Variants in TASOR observed in about 807,000 individuals in gnomAD.
TASOR encodes protein TASOR.
TASOR carries 53 observed loss-of-function variants against 178.6 expected under a neutral mutation model. The observed-to-expected ratio is 0.30, with a 90% CI of 0.24 to 0.37. The LOEUF is 0.37. TASOR is among the 10% of genes least tolerant of loss of function. The probability of loss-of-function intolerance (pLI) is 1.00; values close to 1 mark genes in which losing one functional copy is unlikely to be tolerated. For missense variants in TASOR, 1,815 were observed against 1,971.4 expected (o/e 0.92, Z 1.50); for synonymous variants, 713 against 696.2 (o/e 1.02, Z -0.38).
chr3:56,624,660 A>G lies in TASOR; in HGVS notation c.4319-17T>C. 1 of 1,602,858 alleles carries G rather than the reference A, an allele frequency of 6.2e-7. No homozygotes were observed. The highest frequency in any genetic ancestry group is 8.5e-7 in the Non-Finnish European group (1 of 1,175,178). On this transcript the variant is annotated splice_polypyrimidine_tract_variant and intron_variant, in intron 22 of 23. Coordinates refer to ENST00000683822, the MANE Select transcript of TASOR (RefSeq NM_001365635.2). ...TGTTCTTCTCTAAATTAAGAAAAAA[A>G]GTTTCATGTATGAAACACTTCAAAA...
At chr3:56,649,380 CA>C (rs1341982783) in intron 11 of TASOR, among the ~76,000 whole-genome samples, 1 of 152,162 alleles carries the variant, frequency 6.6e-6, no homozygotes, top group Non-Finnish European at 1.5e-5. Flanking sequence ...TTCATCAGTT[CA>C]AAAGACATGT....
chr3:56,655,044 T>C (rs541474367), intron 11 of TASOR, among the ~76,000 whole-genome samples: 2 of 152,344 alleles, frequency 1.3e-5, no homozygotes, highest in South Asian at 4.1e-4. Context: ...CCAAAAATAC[T>C]GTGTGACCAG....
At chr3:56,648,457 G>A (rs142622686) in intron 13 of TASOR, among the ~76,000 whole-genome samples, 3,408 of 151,366 alleles carry the variant, frequency 0.023, 98 homozygotes, top group Non-Finnish European at 0.031. Context: ...GTGAAACCCC[G>A]TCTCTACTAA....
In TASOR at chr3:56,646,479, C is replaced by T. The variant is rs752094760; in HGVS notation, c.2215+43G>A. ...CCCTCTGCTACAAGAAAGAACAGAA[C>T]TACTTTATTTTTGGCTGTTATAAGA... On this transcript the variant is annotated intron_variant, in intron 14 of 23. Transcript: ENST00000683822. The T allele has an allele frequency of 2.0e-6, 3 of 1,478,238 alleles. No individual in the cohort carries two copies. In the South Asian group the frequency reaches 4.0e-5, roughly 20 times the overall value. The allele number at this position is 1,478,238 out of a possible 1,614,324, so 91.6% of individuals were successfully genotyped here. A position where few individuals can be genotyped will look rare whatever the true frequency, so the allele number is the denominator to read the frequency against.
intron 17 of TASOR, among the ~76,000 whole-genome samples, chr3:56,635,772 G>A (rs1347952531): frequency 6.6e-6 from 1 of 152,036 alleles, no homozygotes; most frequent in Admixed American, 6.6e-5. Context: ...ACCACACCCA[G>A]CTATTTATTA....
chr3:56,673,324 T>C (rs1338571849), intron 2 of TASOR, among the ~76,000 whole-genome samples: 4 of 151,454 alleles, frequency 2.6e-5, no homozygotes, highest in African/African-American at 4.9e-5. Context: ...CCCAGCTACT[T>C]TGGAGGCTGA....
At chr3:56,629,155 C>T (rs1042554319) in intron 18 of TASOR, 1 of 152,260 alleles carries the variant, frequency 6.6e-6, no homozygotes, top group Non-Finnish European at 1.5e-5. Context: ...CAGAGCTTCA[C>T]CAATCACACA....
In TASOR at chr3:56,621,889, T is replaced by C. The variant is rs2076680965; in HGVS notation, c.*1148A>G. On this transcript the variant is annotated 3_prime_UTR_variant, in exon 24 of 24. Transcript: ENST00000683822. Reference sequence around the variant, plus strand: ...GGGTATTGAAGCCCTATAAAAACACTTTCTACTTACCTTAATATAGTCTGG... The same window carrying C: ...GGGTATTGAAGCCCTATAAAAACACCTTCTACTTACCTTAATATAGTCTGG... The C allele has an allele frequency of 5.1e-6, 1 of 197,870 alleles. No homozygotes were observed. Among genetic ancestry groups the C allele is most frequent in the African/African-American group, 2.3e-5 (1 of 42,782 alleles). The allele number at this position is 197,870 out of a possible 1,614,324, so 12.3% of individuals were successfully genotyped here.
At chr3:56,666,577 C>T (rs1447155773) in intron 6 of TASOR, among the ~76,000 whole-genome samples, 193 bp from the exon 7 acceptor site, 1 of 152,098 alleles carries the variant, frequency 6.6e-6, no homozygotes, top group East Asian at 1.9e-4. Context: ...TATTCTGCAT[C>T]TAAGTGCGTA....
At position 56,621,683 on chromosome 3, in the gene TASOR, C is replaced by T. The variant is rs2076656649; in HGVS notation, c.*1354G>A. The T allele has an allele frequency of 8.9e-7, 1 of 1,117,732 alleles. No homozygotes were observed. Among genetic ancestry groups the T allele is most frequent in the Non-Finnish European group, 1.3e-6 (1 of 764,392 alleles). 69.2% of individuals were successfully genotyped at this position (1,117,732 alleles called of 1,614,324 possible). On this transcript the variant is annotated 3_prime_UTR_variant, in exon 24 of 24. Transcript: ENST00000683822. ...CCAAATTATAAAATGTGCTCACTGGCTCAACTGTATTTTTCAAATAGCCTA... is the reference window on the plus strand; with the variant it reads ...CCAAATTATAAAATGTGCTCACTGGTTCAACTGTATTTTTCAAATAGCCTA...
chr3:56,623,250 A>T lies in TASOR; in HGVS notation c.4800T>A (p.Ser1600Arg). ...DSYSNFQVYH[S>R]QLNMSHQFSH... ...TAAACTGATGGGACATATTTAATTG[A>T]CTATGATAAACCTGAAAGTTACTAT... is the stretch of plus-strand genomic sequence containing the variant. Residue 1600 changes from serine (S) to arginine (R), a missense_variant, in exon 24 of 24, where the codon AGT becomes AGA. Transcript: ENST00000683822. 1 of 1,613,554 alleles carries T rather than the reference A, an allele frequency of 6.2e-7. No individual in the cohort carries two copies. The highest frequency in any genetic ancestry group is 8.5e-7 in the Non-Finnish European group (1 of 1,179,898).
chr3:56,682,650 G>C, intron 1 of TASOR, 26 bp downstream of exon 1: 1 of 1,438,738 alleles, frequency 7.0e-7, no homozygotes, highest in East Asian at 2.5e-5. Context: ...GAGAGAGAGG[G>C]GGTTGAGAAG....
intron 15 of TASOR, 140 bp from the exon 16 acceptor site, chr3:56,640,270 C>G: frequency 2.9e-6 from 2 of 700,214 alleles, no homozygotes; most frequent in Non-Finnish European, 2.3e-6. Context: ...AAGTTATACT[C>G]TAGTTTCAAA....
At chr3:56,673,452 A>AAC in intron 2 of TASOR, 128 bp downstream of exon 2, 1 of 688,604 alleles carries the variant, frequency 1.5e-6, no homozygotes, top group African/African-American at 1.9e-5. Context: ...AAAAAAAAAA[A>AAC]AAAAAACTTG....
chr3:56,624,988 T>C lies in TASOR; in HGVS notation c.4158A>G (p.Leu1386=). 6.2e-7 allele frequency: 1 copy of C among 1,614,066 alleles called. No homozygotes were observed. Among genetic ancestry groups the C allele is most frequent in the Non-Finnish European group, 8.5e-7 (1 of 1,179,976 alleles). ...AGACATTCAGAAGCGTCAACAGACT[T>C]AGAGCTTTAGCATTCAATCTGTGAA... ...KELGRLNAKA[L]SLLTLLNVYQ... The change falls in exon 22 of 24, where the codon CTA becomes CTG. Residue 1386 remains leucine, a synonymous_variant. Coordinates refer to ENST00000683822, the MANE Select transcript of TASOR (RefSeq NM_001365635.2).
intron 1 of TASOR, among the ~76,000 whole-genome samples, chr3:56,681,889 T>C (rs1243090780): frequency 6.6e-6 from 1 of 152,010 alleles, no homozygotes; most frequent in Non-Finnish European, 1.5e-5. Context: ...AAGACTGGAC[T>C]TTTTTTTAAC....
Position 56,624,663 on chromosome 3 carries a change from T to A in TASOR, c.4319-20A>T, listed in dbSNP as rs758910183. On this transcript the variant is annotated intron_variant, in intron 22 of 23. Transcript: ENST00000683822. ...TCTTCTCTAAATTAAGAAAAAAAGTTTCATGTATGAAACACTTCAAAATAT... is the reference window on the plus strand; with the variant it reads ...TCTTCTCTAAATTAAGAAAAAAAGTATCATGTATGAAACACTTCAAAATAT... The A allele has an allele frequency of 1.9e-5, 30 of 1,602,016 alleles. No homozygotes were observed. Among genetic ancestry groups the A allele is most frequent in the Non-Finnish European group, 2.6e-5 (30 of 1,174,742 alleles).
chr3:56,644,240 C>G (rs2077188624), intron 14 of TASOR, among the ~76,000 whole-genome samples: 1 of 152,038 alleles, frequency 6.6e-6, no homozygotes, highest in South Asian at 2.1e-4. Flanking sequence ...GATAATAATG[C>G]CTATCACTCA....
intron 7 of TASOR, among the ~76,000 whole-genome samples, chr3:56,665,352 T>C (rs897331490): frequency 2.0e-5 from 3 of 152,012 alleles, no homozygotes; most frequent in African/African-American, 7.2e-5. Flanking sequence ...CTCACTTTTT[T>C]GTTGTTGTTG....
Sources: allele counts gnomAD v4.1 joint callset (sites outside exome capture counted in the v4.1 genomes callset), GRCh38; gene constraint gnomAD v4.1.1; transcripts MANE v1.5; gene names NCBI Gene and HGNC (gene_info 2026-07-23, HGNC 2026-07-21).